The following TACC2 variants were observed in gnomAD, a reference collection of about 807,000 sequenced individuals.
TACC2 encodes the protein transforming acidic coiled-coil-containing protein 2.
In TACC2, 137 loss-of-function variants were observed where a neutral mutation model predicts 227.3. That is an observed-to-expected ratio of 0.60 (90% confidence interval 0.52 to 0.69). The LOEUF is 0.69. Ranked by LOEUF, TACC2 falls within the 30% of genes least tolerant of loss-of-function variation. The pLI, the probability that TACC2 is intolerant of heterozygous loss-of-function variation, is 0.00. For missense variants in TACC2, 3,470 were observed against 3,694.4 expected (o/e 0.94, Z 1.57); for synonymous variants, 1,523 against 1,487.5 (o/e 1.02, Z -0.55).
intron 9 of TACC2, among the ~76,000 whole-genome samples, chr10:122,213,133 G>A (rs2095331423): frequency 6.6e-6 from 1 of 152,240 alleles, no homozygotes; most frequent in Non-Finnish European, 1.5e-5. Flanking sequence ...GCGTGGGTCT[G>A]ACAAAGCTCT....
intron 20 of TACC2, 112 bp from the exon 21 acceptor site, chr10:122,248,938 C>G (rs1443745243): frequency 1.3e-6 from 2 of 1,483,248 alleles, no homozygotes; most frequent in Non-Finnish European, 1.9e-6. Context: ...GCTGGGGAGG[C>G]AGACTTGGCC....
chr10:122,086,008 G>A lies in TACC2; in HGVS notation c.3508G>A (p.Glu1170Lys), dbSNP rs764697787. The A allele has an allele frequency of 6.2e-7, 1 of 1,613,944 alleles. No homozygotes were observed. The highest frequency in any genetic ancestry group is 1.7e-5 in the Admixed American group (1 of 60,016). ...LQTEHCLTSG[E>K]EASTSALRES... ...GACTGAGCACTGCCTTACCTCCGGGGAGGAAGCTTCTACCTCTGCCCTACG... is the reference window on the plus strand; with the variant it reads ...GACTGAGCACTGCCTTACCTCCGGGAAGGAAGCTTCTACCTCTGCCCTACG... Residue 1170 changes from glutamate (E) to lysine (K), a missense_variant, in exon 4 of 23, where the codon GAG becomes AAG. Transcript: ENST00000369005.
rs202168550 is a variant in TACC2 at position 122,211,112 on chromosome 10, C to T, written c.6687C>T (p.Val2229=). ...GCAGAGTGCAGAACTCACCCCCTGT[C>T]GGGAGGAAAACGCTGCCTCTTACCA... ...GGGRVQNSPP[V]GRKTLPLTTA... Residue 2229 remains valine, a synonymous_variant, in exon 9 of 23, where the codon GTC becomes GTT. Coordinates refer to ENST00000369005, the MANE Select transcript of TACC2 (RefSeq NM_206862.4). 5.0e-5 allele frequency: 81 copies of T among 1,611,186 alleles called. No individual in the cohort carries two copies. Among genetic ancestry groups the T allele is most frequent in the Admixed American group, 2.7e-4 (16 of 59,544 alleles).
At chr10:122,076,846 G>A (rs1022312056) in intron 3 of TACC2, among the ~76,000 whole-genome samples, 1 of 152,118 alleles carries the variant, frequency 6.6e-6, no homozygotes, top group Admixed American at 6.6e-5. Flanking sequence ...CGGGTGCGGT[G>A]GCTCATGTCT....
In TACC2 at chr10:122,132,504, G is replaced by GCGCC; in HGVS notation, c.5574-104_5574-101dup. Reference sequence around the variant, plus strand: ...ACAGAGTTTGCAGTGAGCGGAGATCGCGCCATTGCCCTCCAGCCTGGATAA... The same window carrying GCGCC: ...ACAGAGTTTGCAGTGAGCGGAGATCGCGCCCGCCATTGCCCTCCAGCCTGGATAA... On this transcript the variant is annotated intron_variant, in intron 5 of 22. Coordinates refer to ENST00000369005, the MANE Select transcript of TACC2 (RefSeq NM_206862.4). The GCGCC allele has an allele frequency of 1.8e-5, 24 of 1,361,178 alleles. 1 individual carries two copies. In the South Asian group the frequency reaches 2.9e-4, roughly 16 times the overall value. 84.3% of individuals were successfully genotyped at this position (1,361,178 alleles called of 1,614,324 possible). A position where few individuals can be genotyped will look rare whatever the true frequency, so the allele number is the denominator to read the frequency against.
At chr10:122,146,338 C>T (rs2139329571) in intron 7 of TACC2, among the ~76,000 whole-genome samples, 1 of 152,066 alleles carries the variant, frequency 6.6e-6, no homozygotes, top group South Asian at 2.1e-4. Flanking sequence ...TAACTAAAGT[C>T]TATAGTTGCT....
At position 122,084,859 on chromosome 10, in the gene TACC2, T is replaced by C. The variant is rs977973379; in HGVS notation, c.2359T>C (p.Leu787=). The part of the protein sequence containing the change: ...GVPHPPQGEN[L]AADLGLTALI... ...GCCACATCCCCCCCAGGGGGAGAAC[T>C]TGGCAGCAGACCTGGGGCTCACGGC... The change falls in exon 4 of 23, where the codon TTG becomes CTG. Residue 787 remains leucine, a synonymous_variant. Transcript: ENST00000369005. The C allele has an allele frequency of 6.2e-7, 1 of 1,613,894 alleles. No individual in the cohort carries two copies. The highest frequency in any genetic ancestry group is 8.5e-7 in the Non-Finnish European group (1 of 1,180,010).
intron 11 of TACC2, among the ~76,000 whole-genome samples, chr10:122,221,852 C>T (rs1223588766): frequency 6.6e-6 from 1 of 152,176 alleles, no homozygotes; most frequent in East Asian, 1.9e-4. Flanking sequence ...CTTCCCTGAT[C>T]CTAGCAATGG....
At chr10:122,033,236 A>G (rs1959182016) in intron 2 of TACC2, 2 of 923,216 alleles carry the variant, frequency 2.2e-6, no homozygotes, top group South Asian at 2.7e-5. Flanking sequence ...TTGGTGTGTC[A>G]TGTGCATTTA....
intron 5 of TACC2, among the ~76,000 whole-genome samples, chr10:122,129,582 A>T (rs990991096): frequency 1.3e-5 from 2 of 152,132 alleles, no homozygotes; most frequent in African/African-American, 2.4e-5. Flanking sequence ...ATGGTTTTCA[A>T]TGTGTGTTGC....
intron 7 of TACC2, among the ~76,000 whole-genome samples, chr10:122,184,211 T>G (rs978620792): frequency 6.6e-6 from 1 of 151,908 alleles, no homozygotes; most frequent in Admixed American, 6.6e-5. Flanking sequence ...ACTTGGTGAG[T>G]GTGGAACATC....
chr10:122,003,692 G>A (rs1046647418), intron 1 of TACC2, among the ~76,000 whole-genome samples: 1 of 150,618 alleles, frequency 6.6e-6, no homozygotes, highest in African/African-American at 2.4e-5. Flanking sequence ...GTCTGGCTCT[G>A]TCACCCAGGC....
chr10:122,162,116 T>G (rs1373753864), intron 7 of TACC2, among the ~76,000 whole-genome samples: 1 of 152,224 alleles, frequency 6.6e-6, no homozygotes, highest in Non-Finnish European at 1.5e-5. Context: ...TATTTTCATA[T>G]AAATGCAAAA....
rs202181709 is a variant in TACC2, at chr10:122,210,928, A to G, written c.6503A>G (p.Asn2168Ser). Residue 2168 changes from asparagine to serine, a missense_variant, in exon 9 of 23, where the codon AAT becomes AGT. Asn to Ser is a conservative substitution (Grantham distance 46, BLOSUM62 1). Coordinates refer to ENST00000369005, the MANE Select transcript of TACC2 (RefSeq NM_206862.4). This position sits in a 1 kb window ranked among gnomAD's most constrained non-coding sequence, Gnocchi z 4.6. The part of the protein sequence containing the change: ...DEESLVPSGE[N>S]LASETKTESA... ...GAGAGCCTTGTCCCCAGTGGGGAGA[A>G]TCTAGCATCTGAGACGAAAACGGAA... is the stretch of plus-strand genomic sequence containing the variant. 6.2e-7 allele frequency: 1 copy of G among 1,613,950 alleles called. No individual in the cohort carries two copies. Among genetic ancestry groups the G allele is most frequent in the Non-Finnish European group, 8.5e-7 (1 of 1,179,996 alleles).
intron 5 of TACC2, among the ~76,000 whole-genome samples, chr10:122,089,313 G>A (rs2080459335): frequency 6.6e-6 from 1 of 152,182 alleles, no homozygotes; most frequent in Non-Finnish European, 1.5e-5. Flanking sequence ...TCATCTCTAG[G>A]CACCCATTCA....
intron 5 of TACC2, among the ~76,000 whole-genome samples, chr10:122,106,476 C>T (rs1232338222): frequency 1.3e-5 from 2 of 152,196 alleles, no homozygotes; most frequent in Non-Finnish European, 2.9e-5. Context: ...TTCTATGTGG[C>T]TTTCCACTTC....
chr10:121,991,895 G>A (rs1339301835), intron 1 of TACC2, among the ~76,000 whole-genome samples: 2 of 152,190 alleles, frequency 1.3e-5, no homozygotes, highest in Non-Finnish European at 2.9e-5. Context: ...GAGGCAAGGA[G>A]GAGCAAGTCA....
At chr10:122,034,439 A>G (rs1959557018) in intron 2 of TACC2, among the ~76,000 whole-genome samples, 2 of 152,130 alleles carry the variant, frequency 1.3e-5, no homozygotes, top group Admixed American at 6.6e-5. Context: ...AGTGAGAACT[A>G]GAACCCTGGG....
intron 1 of TACC2, among the ~76,000 whole-genome samples, chr10:122,003,358 A>C (rs1253703641): frequency 6.6e-6 from 1 of 151,432 alleles, no homozygotes; most frequent in Non-Finnish European, 1.5e-5. Context: ...TTGAGTTGGG[A>C]ATTTAATTCA....
Sources: allele counts gnomAD v4.1 joint callset (sites outside exome capture counted in the v4.1 genomes callset), GRCh38; gene constraint gnomAD v4.1.1; non-coding constraint Gnocchi (gnomAD v3.1); transcripts MANE v1.5; gene names NCBI Gene and HGNC (gene_info 2026-07-23, HGNC 2026-07-21).